UGT1A8: variants seen among roughly 807,000 people sequenced by gnomAD.
The protein encoded by UGT1A8 is UDP-glucuronosyltransferase 1A8.
A neutral mutation model predicts 45.3 loss-of-function variants in UGT1A8; 39 were observed. The observed-to-expected ratio is 0.86, with a 90% confidence interval of 0.67 to 1.12. The LOEUF is 1.12. Ranked by LOEUF, UGT1A8 falls within the 50% of genes most tolerant of loss-of-function variation. The probability of loss-of-function intolerance (pLI) is 0.00; values close to 1 mark genes in which losing one functional copy is unlikely to be tolerated. For synonymous variants in UGT1A8, 275 were observed against 249.2 expected (o/e 1.10, Z -0.97); for missense variants, 719 against 664.9 (o/e 1.08, Z -0.90).
Position 233,671,949 on chromosome 2 carries a change from G to A in UGT1A8, c.855+53387G>A, listed in dbSNP as rs781044929. 4 of 1,612,602 alleles carry A rather than the reference G, an allele frequency of 2.5e-6. No individual in the cohort carries two copies. The East Asian group carries it at 6.7e-5, about 27-fold the overall frequency. ...GCAGTTCTCTGATGGCTTGCACAGG[G>A]TGGACCAGCCCCCTTCCTCTATGTG... is the stretch of plus-strand genomic sequence containing the variant. On this transcript the variant is annotated intron_variant, in intron 1 of 4. Coordinates refer to ENST00000373450, the MANE Select transcript of UGT1A8 (RefSeq NM_019076.5).
intron 1 of UGT1A8, among the ~76,000 whole-genome samples, chr2:233,710,005 G>C (rs1294039460): frequency 6.6e-6 from 1 of 152,198 alleles, no homozygotes; most frequent in African/African-American, 2.4e-5. Context: ...ATACAATTAT[G>C]AATGAAAAAC....
intron 1 of UGT1A8, among the ~76,000 whole-genome samples, chr2:233,696,604 C>T (rs926125593): frequency 2.2e-5 from 3 of 133,902 alleles, no homozygotes; most frequent in African/African-American, 8.6e-5. Context: ...AACTTGGATG[C>T]CCTTTCTTTC....
intron 2 of UGT1A8, 44 bp downstream of exon 2, chr2:233,767,209 A>G: frequency 1.2e-6 from 2 of 1,613,062 alleles, no homozygotes; most frequent in Non-Finnish European, 1.7e-6. Flanking sequence ...TTTTCACAGG[A>G]GCGCTAATCC....
At chr2:233,637,403 T>G (rs2073326552) in intron 1 of UGT1A8, 4 of 1,586,694 alleles carry the variant, frequency 2.5e-6, no homozygotes, top group Non-Finnish European at 3.4e-6. Flanking sequence ...TTTAGCACAT[T>G]AAGAATAATC....
In UGT1A8 at chr2:233,619,843, A is replaced by G. The variant is rs561136915; in HGVS notation, c.855+1281A>G. Among the ~76,000 whole-genome samples, 57 of 152,288 alleles carry G rather than the reference A, an allele frequency of 3.7e-4. 1 individual carries two copies. The South Asian group carries it at 8.9e-3, about 24-fold the overall frequency. ...CAAGTAATTCCCTTCTCTGATATTT[A>G]TACTGCTTCTTTTGCTTTGCTGGAG... On this transcript the variant is annotated intron_variant, in intron 1 of 4. Coordinates refer to ENST00000373450, the MANE Select transcript of UGT1A8 (RefSeq NM_019076.5).
chr2:233,626,689 T>G (rs2073089155), intron 1 of UGT1A8, among the ~76,000 whole-genome samples: 1 of 152,088 alleles, frequency 6.6e-6, no homozygotes, highest in African/African-American at 2.4e-5. Context: ...TTCTCTTTCC[T>G]AGTATTGACA....
At chr2:233,649,051 T>A (rs1575400402) in intron 1 of UGT1A8, 1 of 994,672 alleles carries the variant, frequency 1.0e-6, no homozygotes. Context: ...CTTTAGCACA[T>A]TAAAAGTATT....
chr2:233,639,693 A>C (rs568433517), intron 1 of UGT1A8, among the ~76,000 whole-genome samples: 119 of 152,304 alleles, frequency 7.8e-4, no homozygotes, highest in African/African-American at 2.8e-3. Flanking sequence ...AATCTCCTTG[A>C]GTCTATCCAG....
At chr2:233,760,138 T>C (rs2125979054) in intron 1 of UGT1A8, 1 of 1,410,406 alleles carries the variant, frequency 7.1e-7, no homozygotes, top group African/African-American at 1.4e-5. Context: ...TCTTTATCTC[T>C]GAAAGTGAAC....
intron 1 of UGT1A8, among the ~76,000 whole-genome samples, chr2:233,737,657 C>T (rs962486142): frequency 2.6e-5 from 4 of 152,206 alleles, no homozygotes; most frequent in African/African-American, 9.6e-5. Context: ...CTGGGAGCTG[C>T]AGATCGGAGC....
chr2:233,693,288 G>C (rs763435448), intron 1 of UGT1A8: 20 of 1,614,002 alleles, frequency 1.2e-5, no homozygotes, highest in African/African-American at 2.7e-5. Flanking sequence ...CAATCATTTG[G>C]AAACAATCAC....
At chr2:233,693,889 A>T (rs1290014907) in intron 1 of UGT1A8, 8 of 1,613,866 alleles carry the variant, frequency 5.0e-6, no homozygotes, top group African/African-American at 1.3e-5. Context: ...TTTCTTTTGG[A>T]CTGCCTTGTT....
intron 1 of UGT1A8, among the ~76,000 whole-genome samples, chr2:233,694,785 T>TA (rs2075240916): frequency 1.3e-5 from 2 of 152,176 alleles, no homozygotes; most frequent in African/African-American, 4.8e-5. Context: ...GGGATGGGGA[T>TA]AACTGAAATG....
At chr2:233,704,011 C>T (rs1236520460) in intron 1 of UGT1A8, among the ~76,000 whole-genome samples, 1 of 152,002 alleles carries the variant, frequency 6.6e-6, no homozygotes, top group African/African-American at 2.4e-5. Flanking sequence ...CCACCTCAGC[C>T]GCCCGAGCAG....
At position 233,746,718 on chromosome 2, in the gene UGT1A8, T is replaced by A. The variant is rs1161016418; in HGVS notation, c.856-20316T>A. The stretch of plus-strand genomic sequence containing the variant: ...ATAAATATTTGGTGGATAAGGGAAT[T>A]AGCAATGGATTCTGCTTTGGTTCCA... On this transcript the variant is annotated intron_variant, in intron 1 of 4. Transcript: ENST00000373450. Among the ~76,000 whole-genome samples, 3 of 151,822 alleles carry A rather than the reference T, an allele frequency of 2.0e-5. 1 individual carries two copies. Among genetic ancestry groups the A allele is most frequent in the African/African-American group, 7.3e-5 (3 of 41,076 alleles).
At chr2:233,738,845 C>T (rs1366677682) in intron 1 of UGT1A8, 1 of 152,224 alleles carries the variant, frequency 6.6e-6, no homozygotes, top group Admixed American at 6.5e-5. Flanking sequence ...AAATGTTAAT[C>T]ACCAAGACAA....
intron 1 of UGT1A8, chr2:233,760,242 A>C: frequency 6.2e-7 from 1 of 1,607,672 alleles, no homozygotes; most frequent in Non-Finnish European, 8.5e-7. Context: ...CCATATATAT[A>C]TATATAAGTA....
intron 1 of UGT1A8, among the ~76,000 whole-genome samples, chr2:233,654,889 C>G (rs890854299): frequency 2.0e-5 from 3 of 152,122 alleles, no homozygotes; most frequent in African/African-American, 7.2e-5. Context: ...GTCAGGAGTT[C>G]GAGATCAGTC....
intron 1 of UGT1A8, chr2:233,743,514 G>T (rs753191882): frequency 7.3e-7 from 1 of 1,367,256 alleles, no homozygotes; most frequent in Non-Finnish European, 9.8e-7. Flanking sequence ...CAGACGCTCT[G>T]CTTCTGCTTC....
Sources: gnomAD v4.1 joint callset for allele counts (sites outside exome capture counted in the v4.1 genomes callset) on GRCh38, gnomAD v4.1.1 for gene constraint, MANE v1.5 for transcripts, NCBI Gene and HGNC (gene_info 2026-07-23, HGNC 2026-07-21) for gene names.